The following LOC128462377 variants were observed in gnomAD, a reference collection of about 807,000 sequenced individuals.
chr16:89,406,898 G>A, the LOC128462377 span, among the ~76,000 whole-genome samples: 1 of 152,186 alleles, frequency 6.6e-6, no homozygotes, highest in Non-Finnish European at 1.5e-5. Context: ...AGAACATCAG[G>A]CCGGACGTGG....
chr16:89,338,018 G>A, the LOC128462377 span, among the ~76,000 whole-genome samples: 2 of 152,098 alleles, frequency 1.3e-5, no homozygotes, highest in African/African-American at 4.8e-5. Context: ...CACATCAGCT[G>A]GTGCCAGTAT....
At chr16:89,353,255 T>C in the LOC128462377 span, among the ~76,000 whole-genome samples, 1 of 151,268 alleles carries the variant, frequency 6.6e-6, no homozygotes, top group African/African-American at 2.4e-5. Flanking sequence ...GGCAGGAGAA[T>C]TGCTTCAACT....
At chr16:89,351,554 G>A in the LOC128462377 span, among the ~76,000 whole-genome samples, 4 of 152,182 alleles carry the variant, frequency 2.6e-5, no homozygotes, top group African/African-American at 9.7e-5. Flanking sequence ...AGACTCTCGG[G>A]CAGGTCTGTA....
At chr16:89,346,132 C>T in the LOC128462377 span, among the ~76,000 whole-genome samples, 1 of 151,662 alleles carries the variant, frequency 6.6e-6, no homozygotes, top group Admixed American at 6.6e-5. Flanking sequence ...GCTTGTAATC[C>T]CAGCTACTCG....
chr16:89,358,314 C>T, the LOC128462377 span, among the ~76,000 whole-genome samples: 1 of 152,240 alleles, frequency 6.6e-6, no homozygotes, highest in African/African-American at 2.4e-5. Context: ...GGCCACATCA[C>T]AGCTGCATAT....
the LOC128462377 span, among the ~76,000 whole-genome samples, chr16:89,393,944 T>C: frequency 3.9e-3 from 590 of 152,332 alleles, 1 homozygote; most frequent in Non-Finnish European, 5.1e-3. Context: ...ACTAGTTTAC[T>C]TGTGAGGGCT....
chr16:89,326,963 A>T, the LOC128462377 span, among the ~76,000 whole-genome samples: 1 of 152,022 alleles, frequency 6.6e-6, no homozygotes, highest in African/African-American at 2.4e-5. Context: ...AAGCAGGTAC[A>T]GCAAGAAGTC....
the LOC128462377 span, among the ~76,000 whole-genome samples, chr16:89,335,273 G>A: frequency 6.6e-6 from 1 of 152,142 alleles, no homozygotes; most frequent in Non-Finnish European, 1.5e-5. Flanking sequence ...TCCCAGAAGA[G>A]GCCAGTGCAC....
chr16:89,323,776 G>C, the LOC128462377 span: 1,055 of 252,692 alleles, frequency 4.2e-3, 23 homozygotes, highest in South Asian at 0.037. Context: ...GGCCGCACCA[G>C]CTCTCTCTCC....
the LOC128462377 span, among the ~76,000 whole-genome samples, chr16:89,342,538 T>G: frequency 3.3e-5 from 5 of 152,360 alleles, no homozygotes; most frequent in East Asian, 9.6e-4. Context: ...CGTGGCTCTC[T>G]CCTAGCACAC....
chr16:89,412,665 G>A, the LOC128462377 span: 1 of 152,102 alleles, frequency 6.6e-6, no homozygotes, highest in Non-Finnish European at 1.5e-5. Context: ...TCTTTTGCTA[G>A]ATCCAGGCAA....
chr16:89,394,564 G>A, the LOC128462377 span, among the ~76,000 whole-genome samples: 2 of 151,798 alleles, frequency 1.3e-5, no homozygotes, highest in African/African-American at 4.8e-5. Context: ...GGAGGCGGAG[G>A]TTGCAGTGAG....
At chr16:89,418,078 G>C in the LOC128462377 span, among the ~76,000 whole-genome samples, 31 of 152,120 alleles carry the variant, frequency 2.0e-4, no homozygotes, top group Non-Finnish European at 2.6e-4. Flanking sequence ...GTGACACCAA[G>C]GATCCCATTC....
At chr16:89,389,398 A>G in the LOC128462377 span, among the ~76,000 whole-genome samples, 1 of 152,194 alleles carries the variant, frequency 6.6e-6, no homozygotes, top group African/African-American at 2.4e-5. Context: ...GCATGTAAAT[A>G]AGAAAATATG....
chr16:89,329,644 G>A, the LOC128462377 span, among the ~76,000 whole-genome samples: 1 of 152,178 alleles, frequency 6.6e-6, no homozygotes, highest in African/African-American at 2.4e-5. Flanking sequence ...AACAGTATGA[G>A]GTAGGAGGTA....
the LOC128462377 span, among the ~76,000 whole-genome samples, chr16:89,343,043 G>T: frequency 1.3e-5 from 2 of 152,174 alleles, no homozygotes; most frequent in Non-Finnish European, 2.9e-5. Context: ...TATTTGAGAC[G>T]CAGTCTTGCT....
At chr16:89,362,193 C>G in the LOC128462377 span, among the ~76,000 whole-genome samples, 1 of 152,236 alleles carries the variant, frequency 6.6e-6, no homozygotes, top group African/African-American at 2.4e-5. Flanking sequence ...GAAATACCAA[C>G]TGCCTTCTTC....
chr16:89,356,752 G>C, the LOC128462377 span, among the ~76,000 whole-genome samples: 1 of 138,862 alleles, frequency 7.2e-6, no homozygotes, highest in Non-Finnish European at 1.5e-5. Context: ...CTGCACTCTA[G>C]CCTGGGCGAC....
At chr16:89,343,272 T>C in the LOC128462377 span, among the ~76,000 whole-genome samples, 4 of 152,330 alleles carry the variant, frequency 2.6e-5, no homozygotes, top group South Asian at 6.2e-4. Context: ...GGATTACAGG[T>C]GTGAGCCACC....
Sources: allele counts gnomAD v4.1 joint callset (sites outside exome capture counted in the v4.1 genomes callset), GRCh38; gene constraint gnomAD v4.1.1; transcripts MANE v1.5.